The following CNST variants were observed in gnomAD, a reference collection of about 807,000 sequenced individuals.
The protein encoded by CNST is consortin, connexin sorting protein, also known as consortin.
In CNST, 39 loss-of-function variants were observed where a neutral mutation model predicts 72.4. That is an observed-to-expected ratio of 0.54 (90% CI 0.42 to 0.70). CNST has a LOEUF of 0.70. Among genes scored for constraint, CNST ranks in the 30% least tolerant of loss-of-function variants. The pLI is 0.00. For synonymous variants in CNST, 332 were observed against 320.1 expected, an observed-to-expected ratio of 1.04 and a Z score of -0.40; for missense variants, 871 against 868.5, an observed-to-expected ratio of 1.00 and a Z score of -0.04.
At chr1:246,584,793 C>T (rs1486737522) in intron 1 of CNST, among the ~76,000 whole-genome samples, 1 of 152,148 alleles carries the variant, frequency 6.6e-6, no homozygotes, top group African/African-American at 2.4e-5. Flanking sequence ...TCCCAACATA[C>T]CACTCCCTCC....
chr1:246,614,862 C>G (rs1303302854), intron 2 of CNST, among the ~76,000 whole-genome samples: 1 of 152,094 alleles, frequency 6.6e-6, no homozygotes, highest in Non-Finnish European at 1.5e-5. Context: ...ATCATTTTCC[C>G]AATCATGCAA....
intron 2 of CNST, among the ~76,000 whole-genome samples, chr1:246,619,656 A>G (rs1233143247): frequency 6.6e-6 from 1 of 152,262 alleles, no homozygotes; most frequent in East Asian, 1.9e-4. Flanking sequence ...AAATAGGCTT[A>G]AACAGGAGGA....
chr1:246,633,369 A>G (rs1286442766), intron 4 of CNST, among the ~76,000 whole-genome samples: 1 of 151,874 alleles, frequency 6.6e-6, no homozygotes, highest in African/African-American at 2.4e-5. Flanking sequence ...GAATCACTTG[A>G]ATCCAGGAGG....
At chr1:246,650,384 T>C (rs536239474) in intron 9 of CNST, among the ~76,000 whole-genome samples, 1 of 152,232 alleles carries the variant, frequency 6.6e-6, no homozygotes, top group Non-Finnish European at 1.5e-5. Flanking sequence ...CTAATTTACT[T>C]TCCTATGACA....
At chr1:246,652,964 A>C (rs571102701) in intron 9 of CNST, among the ~76,000 whole-genome samples, 239 of 151,346 alleles carry the variant, frequency 1.6e-3, no homozygotes, top group African/African-American at 4.3e-3. Context: ...AGATTGCACC[A>C]CTGCACTCCA....
intron 1 of CNST, among the ~76,000 whole-genome samples, chr1:246,586,557 C>T (rs1386883155): frequency 6.6e-6 from 1 of 151,172 alleles, no homozygotes; most frequent in Non-Finnish European, 1.5e-5. Context: ...GCATGTTAGT[C>T]CCTCTTTTTT....
intron 6 of CNST, among the ~76,000 whole-genome samples, chr1:246,638,399 C>G (rs945375614): frequency 6.6e-6 from 1 of 152,134 alleles, no homozygotes; most frequent in Non-Finnish European, 1.5e-5. Context: ...CAATGAATGA[C>G]GGCAGCTTTC....
At chr1:246,619,948 C>T (rs558250414) in intron 2 of CNST, among the ~76,000 whole-genome samples, 4,199 of 108,320 alleles carry the variant, frequency 0.039, 330 homozygotes, top group African/African-American at 0.15. Flanking sequence ...ACAGGGAGGA[C>T]GGCTTCAGTC....
rs1667017288 is a variant in CNST at position 246,660,249 on chromosome 1, T to C, written c.1887T>C (p.Thr629=). 3 of 1,612,232 alleles carry C rather than the reference T, an allele frequency of 1.9e-6. No homozygotes were observed. Among genetic ancestry groups the C allele is most frequent in the Admixed American group, 1.7e-5 (1 of 59,980 alleles). ...LVSILKKRND[T]VGDHPAQMQH... ...CCATATTAAAGAAGAGGAATGATACTGTAGGAGATCATCCTGCCCAAATGC... is the reference window on the plus strand; with the variant it reads ...CCATATTAAAGAAGAGGAATGATACCGTAGGAGATCATCCTGCCCAAATGC... The change falls in exon 10 of 11, where the codon ACT becomes ACC. Residue 629 remains threonine (T), a synonymous_variant. Coordinates refer to ENST00000366513, the MANE Select transcript of CNST (RefSeq NM_152609.3).
chr1:246,626,957 T>G (rs1174171853), intron 3 of CNST, among the ~76,000 whole-genome samples: 1 of 152,204 alleles, frequency 6.6e-6, no homozygotes, highest in Admixed American at 6.5e-5. Context: ...ATACTTTATT[T>G]ACTTTTCCCT....
intron 3 of CNST, among the ~76,000 whole-genome samples, chr1:246,629,023 GTATT>G (rs1208445382): frequency 2.0e-5 from 3 of 151,994 alleles, no homozygotes; most frequent in African/African-American, 7.2e-5. Context: ...TTTTTTATTT[GTATT>G]TATTTATTTA....
intron 2 of CNST, among the ~76,000 whole-genome samples, chr1:246,599,188 A>AG (rs1271514860): frequency 6.6e-6 from 1 of 152,120 alleles, no homozygotes; most frequent in African/African-American, 2.4e-5. Flanking sequence ...AAAAAAAAAA[A>AG]AAGCCCCAAT....
intron 1 of CNST, among the ~76,000 whole-genome samples, chr1:246,572,567 T>C (rs1414858064): frequency 1.3e-5 from 2 of 152,038 alleles, no homozygotes; most frequent in Non-Finnish European, 2.9e-5. Flanking sequence ...CCCAGGCTAG[T>C]CCTGAACTCC....
intron 2 of CNST, among the ~76,000 whole-genome samples, chr1:246,614,363 G>A (rs1259624891): frequency 1.3e-5 from 2 of 152,130 alleles, no homozygotes; most frequent in Non-Finnish European, 2.9e-5. Context: ...CACTAAAAAA[G>A]TTTCAGGTTT....
chr1:246,647,940 C>G lies in CNST; in HGVS notation c.1739C>G (p.Ser580Cys), dbSNP rs192776872. 2 of 1,613,386 alleles carry G rather than the reference C, an allele frequency of 1.2e-6. No homozygotes were observed. Residue 580 changes from serine to cysteine, a missense_variant, in exon 9 of 11, where the codon TCT becomes TGT. Ser to Cys is a moderately radical substitution (Grantham distance 112). Coordinates refer to ENST00000366513, the MANE Select transcript of CNST (RefSeq NM_152609.3). The part of the protein sequence containing the change: ...DDDSDLLQDL[S>C]PEEASYSLQE... ...GACTCCGATCTCCTTCAAGATCTCT[C>G]TCCTGAAGAAGCATCCTATAGTCTC...
intron 1 of CNST, among the ~76,000 whole-genome samples, chr1:246,586,107 A>ATGTGTGTG (rs1328922749): frequency 0.029 from 1,215 of 42,082 alleles, 18 homozygotes; most frequent in African/African-American, 0.091. Context: ...ATATATATAT[A>ATGTGTGTG]TATATGTGTG....
chr1:246,646,244 T>C (rs1048801240), intron 8 of CNST, among the ~76,000 whole-genome samples: 25 of 135,114 alleles, frequency 1.9e-4, no homozygotes, highest in South Asian at 1.2e-3. Context: ...CGCGCCACTG[T>C]GCTCCAGCCT....
At chr1:246,587,235 A>C (rs955226684) in intron 1 of CNST, among the ~76,000 whole-genome samples, 1 of 152,212 alleles carries the variant, frequency 6.6e-6, no homozygotes, top group African/African-American at 2.4e-5. Context: ...AGTAGCTGAC[A>C]CTACAGGCCA....
intron 1 of CNST, among the ~76,000 whole-genome samples, chr1:246,572,513 AAT>A (rs1336349417): frequency 1.7e-5 from 1 of 59,474 alleles, no homozygotes; most frequent in Non-Finnish European, 3.3e-5. Flanking sequence ...TTTTTGTGAA[AAT>A]GTGTGTGGTT....
Sources: gnomAD v4.1 joint callset for allele counts (sites outside exome capture counted in the v4.1 genomes callset) on GRCh38, gnomAD v4.1.1 for gene constraint, MANE v1.5 for transcripts, NCBI Gene and HGNC (gene_info 2026-07-23, HGNC 2026-07-21) for gene names.